Variants in GLIS3 observed in about 807,000 individuals in gnomAD.
GLIS3 encodes the protein GLIS family zinc finger 3.
Under a neutral mutation model 78.6 loss-of-function variants are expected in GLIS3, and 53 were observed. That is an observed-to-expected ratio of 0.67 (90% CI 0.54 to 0.85). The LOEUF (loss-of-function observed/expected upper bound fraction) is 0.85, where lower values mean the gene tolerates loss of function less well. Among genes scored for constraint, GLIS3 ranks in the 40% least tolerant of loss-of-function variants. GLIS3 has a pLI of 0.00. For missense variants in GLIS3, 1,703 were observed against 1,231.1 expected, an observed-to-expected ratio of 1.38 and a Z score of -5.74; for synonymous variants, 684 against 509.9, an observed-to-expected ratio of 1.34 and a Z score of -4.60.
At chr9:4,100,429 CAGGGAAAACAAA>C (rs1830281994) in intron 4 of GLIS3, among the ~76,000 whole-genome samples, 2 of 152,054 alleles carry the variant, frequency 1.3e-5, no homozygotes, top group Non-Finnish European at 2.9e-5. Flanking sequence ...CCTGGATAAT[CAGGGAAAACAAA>C]GGGGAAAAAA....
Position 3,828,389 on chromosome 9 carries a change from A to C in GLIS3, c.2676T>G (p.Ser892Arg). The change falls in exon 11 of 11, where the codon AGT becomes AGG. Residue 892 changes from serine (S) to arginine (R), a missense_variant. Coordinates refer to ENST00000381971, the MANE Select transcript of GLIS3 (RefSeq NM_001042413.2). ...SGITVYDLPS[S>R]SSSLFGESLR... ...GAGACTCCCCAAAGAGGCTCGAGGAACTTGAAGGTAAATCATACACTGGAA... is the reference window on the plus strand; with the variant it reads ...GAGACTCCCCAAAGAGGCTCGAGGACCTTGAAGGTAAATCATACACTGGAA... The C allele has an allele frequency of 6.2e-7, 1 of 1,613,428 alleles. No individual in the cohort carries two copies. Among genetic ancestry groups the C allele is most frequent in the Non-Finnish European group, 8.5e-7 (1 of 1,180,006 alleles).
In GLIS3 at chr9:4,177,204, T is replaced by G. The variant is rs187880459; in HGVS notation, c.389-51263A>C. Among the ~76,000 whole-genome samples, 103 of 152,240 alleles carry G rather than the reference T, an allele frequency of 6.8e-4. 1 individual carries two copies. The South Asian group carries it at 8.1e-3, about 12-fold the overall frequency. The stretch of plus-strand genomic sequence containing the variant: ...CATTGCTTTAATTTATACTCCCGAG[T>G]TCAGTTTTCTCCAAAGGATTATTTC... On this transcript the variant is annotated intron_variant, in intron 2 of 10. Coordinates refer to ENST00000381971, the MANE Select transcript of GLIS3 (RefSeq NM_001042413.2).
chr9:4,242,500 C>T (rs958078253), intron 2 of GLIS3, among the ~76,000 whole-genome samples: 2 of 152,172 alleles, frequency 1.3e-5, no homozygotes, highest in South Asian at 4.2e-4. Context: ...ACACTGATTC[C>T]GGCTACCTGC....
the GLIS3 span, among the ~76,000 whole-genome samples, chr9:4,480,200 C>CTTTTTTT: frequency 2.1e-5 from 2 of 93,884 alleles, no homozygotes; most frequent in Non-Finnish European, 4.0e-5. Context: ...GCTGGGCTTT[C>CTTTTTTT]TTTTTTTTTT....
At chr9:4,227,025 G>A (rs1329696092) in intron 2 of GLIS3, among the ~76,000 whole-genome samples, 1 of 152,192 alleles carries the variant, frequency 6.6e-6, no homozygotes, top group Non-Finnish European at 1.5e-5. Flanking sequence ...GAAAACAAGA[G>A]TTCTTGCATG....
At chr9:4,065,202 T>C (rs1468349975) in intron 4 of GLIS3, among the ~76,000 whole-genome samples, 1 of 152,146 alleles carries the variant, frequency 6.6e-6, no homozygotes, top group East Asian at 1.9e-4. Flanking sequence ...AAAACACCTC[T>C]GGGATCCCCT....
chr9:4,374,552 G>T, the GLIS3 span, among the ~76,000 whole-genome samples: 1 of 152,222 alleles, frequency 6.6e-6, no homozygotes. Context: ...GCTCACACAT[G>T]GCGGCTGTCT....
intron 2 of GLIS3, among the ~76,000 whole-genome samples, chr9:4,227,520 TTC>T (rs1821876522): frequency 6.6e-6 from 1 of 152,110 alleles, no homozygotes; most frequent in African/African-American, 2.4e-5. Context: ...ATACTCAAAA[TTC>T]TCTGTGTGCT....
intron 4 of GLIS3, among the ~76,000 whole-genome samples, chr9:4,038,635 G>A (rs954680963): frequency 6.6e-6 from 1 of 152,182 alleles, no homozygotes; most frequent in Non-Finnish European, 1.5e-5. Context: ...AATACATTCT[G>A]CAAACCACTG....
At chr9:3,992,620 C>T (rs1283605113) in intron 4 of GLIS3, among the ~76,000 whole-genome samples, 1 of 152,164 alleles carries the variant, frequency 6.6e-6, no homozygotes. Flanking sequence ...AGTATTAAAG[C>T]TGGATGATGG....
chr9:4,299,211 T>A (rs1425897247), intron 1 of GLIS3, among the ~76,000 whole-genome samples: 1 of 152,184 alleles, frequency 6.6e-6, no homozygotes, highest in Non-Finnish European at 1.5e-5. Flanking sequence ...TTGCTATCAG[T>A]CTCAGTCAGC....
intron 1 of GLIS3, among the ~76,000 whole-genome samples, chr9:4,290,802 G>C (rs1014403781): frequency 6.6e-6 from 1 of 152,070 alleles, no homozygotes; most frequent in African/African-American, 2.4e-5. Context: ...AATTATTCTT[G>C]TCTGCAATTT....
At chr9:3,979,496 C>T (rs1455870592) in intron 4 of GLIS3, among the ~76,000 whole-genome samples, 3 of 152,232 alleles carry the variant, frequency 2.0e-5, no homozygotes, top group Non-Finnish European at 4.4e-5. Context: ...CCAGCTCTGC[C>T]TCGTTTCAGG....
chr9:3,876,323 T>G (rs199684362), intron 8 of GLIS3, among the ~76,000 whole-genome samples: 4 of 11,114 alleles, frequency 3.6e-4, no homozygotes, highest in Non-Finnish European at 8.0e-4. Context: ...GAAAAAGAAA[T>G]AAAAATTAAA....
chr9:3,939,430 T>G (rs562223930), intron 4 of GLIS3, among the ~76,000 whole-genome samples: 1 of 152,328 alleles, frequency 6.6e-6, no homozygotes, highest in African/African-American at 2.4e-5. Context: ...CACTTGAATA[T>G]TCAGCTAAAA....
Position 3,900,186 on chromosome 9 carries a change from TAA to T in GLIS3, c.1984-1353_1984-1352del, listed in dbSNP as rs112638097. Among the ~76,000 whole-genome samples, 929 of 128,802 alleles carry T rather than the reference TAA, an allele frequency of 7.2e-3. 8 individuals are homozygous for T. The highest frequency in any genetic ancestry group is 0.023 in the African/African-American group (797 of 34,250). The allele number at this position is 128,802 out of a possible 152,430, so 84.5% of individuals were successfully genotyped here. A position where few individuals can be genotyped will look rare whatever the true frequency, so the allele number is the denominator to read the frequency against. ...AAGCCTTGACTTGAACAGAAACTGT[TAA>T]AAAAAAAAAAAAAAGGAGAAACAGA... On this transcript the variant is annotated intron_variant, in intron 6 of 10. Coordinates refer to ENST00000381971, the MANE Select transcript of GLIS3 (RefSeq NM_001042413.2).
At chr9:4,182,089 A>G (rs1215444608) in intron 2 of GLIS3, among the ~76,000 whole-genome samples, 1 of 152,268 alleles carries the variant, frequency 6.6e-6, no homozygotes, top group East Asian at 1.9e-4. Flanking sequence ...GAGCTATTAC[A>G]TGCCAACGAG....
chr9:4,241,499 GTACACCCCAAC>G (rs1013443163), intron 2 of GLIS3, among the ~76,000 whole-genome samples: 5 of 152,010 alleles, frequency 3.3e-5, no homozygotes, highest in African/African-American at 9.7e-5. Flanking sequence ...TTGAGGTGAT[GTACACCCCAAC>G]TACACCCCAA....
chr9:4,026,925 A>C (rs1285442222), intron 4 of GLIS3, among the ~76,000 whole-genome samples: 1 of 152,168 alleles, frequency 6.6e-6, no homozygotes, highest in African/African-American at 2.4e-5. Context: ...TACACACCTG[A>C]GAGGAGGTGG....
Sources: gnomAD v4.1 joint callset for allele counts (sites outside exome capture counted in the v4.1 genomes callset) on GRCh38, gnomAD v4.1.1 for gene constraint, MANE v1.5 for transcripts, NCBI Gene and HGNC (gene_info 2026-07-23, HGNC 2026-07-21) for gene names.